Variants in TTC28 observed in about 807,000 individuals in gnomAD.
The protein encoded by TTC28 is tetratricopeptide repeat domain 28, also known as tetratricopeptide repeat protein 28.
TTC28 carries 61 observed loss-of-function variants against 198.0 expected under a neutral mutation model. That is an observed-to-expected ratio of 0.31 (90% CI 0.25 to 0.38). The LOEUF (loss-of-function observed/expected upper bound fraction) is 0.38, where lower values mean the gene tolerates loss of function less well. TTC28 is among the 10% of genes least tolerant of loss of function. TTC28 has a pLI of 1.00. For synonymous variants in TTC28, 1,171 were observed against 1,297.8 expected (o/e 0.90, Z 2.10); for missense variants, 2,678 against 3,164.0 (o/e 0.85, Z 3.69).
At chr22:28,488,175 C>T (rs565206294) in intron 2 of TTC28, among the ~76,000 whole-genome samples, 17 of 152,138 alleles carry the variant, frequency 1.1e-4, no homozygotes, top group Admixed American at 3.3e-4. Context: ...TGATACCAAC[C>T]GGACCACCAG....
chr22:28,429,476 G>T (rs2047401495), intron 2 of TTC28, among the ~76,000 whole-genome samples: 3 of 151,930 alleles, frequency 2.0e-5, no homozygotes, highest in Admixed American at 6.6e-5. Context: ...GAACAAATAG[G>T]TGCTAACTGA....
rs865836033 is a variant in TTC28, at chr22:28,591,086, G to T, written c.381+38466C>A. Among the ~76,000 whole-genome samples, 765 of 94,322 alleles carry T rather than the reference G, an allele frequency of 8.1e-3. 4 individuals carry two copies. Among genetic ancestry groups the T allele is most frequent in the Non-Finnish European group, 0.014 (656 of 46,790 alleles). The allele number at this position is 94,322 out of a possible 152,430, so 61.9% of individuals were successfully genotyped here. A position where few individuals can be genotyped will look rare whatever the true frequency, so the allele number is the denominator to read the frequency against. On this transcript the variant is annotated intron_variant, in intron 2 of 22. Coordinates refer to ENST00000397906, the MANE Select transcript of TTC28 (RefSeq NM_001145418.2). Reference sequence around the variant, plus strand: ...ATATATATATATATATATATATATAGGAATTGTGACATTTTGTTGGGGGGA... The same window carrying T: ...ATATATATATATATATATATATATATGAATTGTGACATTTTGTTGGGGGGA...
rs759478291 is a variant in TTC28 at position 28,108,194 on chromosome 22, C to G, written c.1651G>C (p.Ala551Pro). 6.4e-7 allele frequency: 1 copy of G among 1,551,498 alleles called. No homozygotes were observed. Among genetic ancestry groups the G allele is most frequent in the African/African-American group, 1.4e-5 (1 of 73,042 alleles). Reference sequence around the variant, plus strand: ...TTCCCATGTGTGGAGGCCTGTGAGGCGCGGTCATTCACTTCCATGGAGATC... The same window carrying G: ...TTCCCATGTGTGGAGGCCTGTGAGGGGCGGTCATTCACTTCCATGGAGATC... The part of the protein sequence containing the change: ...LQISMEVNDR[A>P]SQASTHGNLA... Residue 551 changes from alanine (A) to proline (P), a missense_variant, in exon 7 of 23, where the codon GCC becomes CCC. By Grantham distance (27) the Ala-to-Pro change is conservative (BLOSUM62 -1). Around this residue, in one of 8 missense-constraint regions of TTC28, gnomAD observed 775 missense variants for 845.9 expected, o/e 0.92. Coordinates refer to ENST00000397906, the MANE Select transcript of TTC28 (RefSeq NM_001145418.2).
At chr22:28,594,866 C>A (rs2050511002) in intron 2 of TTC28, among the ~76,000 whole-genome samples, 1 of 152,194 alleles carries the variant, frequency 6.6e-6, no homozygotes, top group African/African-American at 2.4e-5. Flanking sequence ...AACAGACTTG[C>A]AGTGCTGTTT....
chr22:28,028,112 C>T (rs750197846), intron 13 of TTC28, among the ~76,000 whole-genome samples: 1 of 152,192 alleles, frequency 6.6e-6, no homozygotes, highest in African/African-American at 2.4e-5. Context: ...AGAAGAACGC[C>T]GGCTATTTCC....
intron 2 of TTC28, among the ~76,000 whole-genome samples, chr22:28,386,873 A>C (rs2046609865): frequency 6.6e-6 from 1 of 151,680 alleles, no homozygotes; most frequent in Non-Finnish European, 1.5e-5. Flanking sequence ...TTTAAGTTTT[A>C]GGGTACATGT....
chr22:28,089,490 A>C (rs1422460969), intron 12 of TTC28, among the ~76,000 whole-genome samples: 2 of 149,604 alleles, frequency 1.3e-5, no homozygotes, highest in African/African-American at 4.9e-5. Flanking sequence ...CAGGAAGGGG[A>C]ACATCACACT....
chr22:28,191,956 C>T (rs948311589), intron 5 of TTC28, among the ~76,000 whole-genome samples: 35 of 152,306 alleles, frequency 2.3e-4, no homozygotes, highest in African/African-American at 5.5e-4. Context: ...TCTCCCAGCA[C>T]GCAGCTGGAG....
chr22:28,401,453 T>C (rs763782775), intron 2 of TTC28, among the ~76,000 whole-genome samples: 7 of 151,686 alleles, frequency 4.6e-5, no homozygotes, highest in Non-Finnish European at 1.0e-4. Context: ...CCATCTCTAC[T>C]AAAAATACAA....
At chr22:28,366,329 A>T (rs1160159806) in intron 2 of TTC28, among the ~76,000 whole-genome samples, 1 of 152,098 alleles carries the variant, frequency 6.6e-6, no homozygotes, top group Non-Finnish European at 1.5e-5. Flanking sequence ...CTCTTAAAAT[A>T]CTCACTTCTT....
intron 2 of TTC28, among the ~76,000 whole-genome samples, chr22:28,537,935 A>C (rs1486832718): frequency 6.6e-6 from 1 of 152,144 alleles, no homozygotes. Flanking sequence ...GTTTGAGACC[A>C]AACTGGGTAA....
intron 2 of TTC28, among the ~76,000 whole-genome samples, chr22:28,399,823 T>C (rs1569305544): frequency 6.6e-6 from 1 of 152,150 alleles, no homozygotes; most frequent in Non-Finnish European, 1.5e-5. Flanking sequence ...AACAATCTGA[T>C]AAGCCATCCT....
intron 12 of TTC28, among the ~76,000 whole-genome samples, chr22:28,083,802 C>T (rs1034798134): frequency 1.3e-5 from 2 of 152,172 alleles, no homozygotes; most frequent in Non-Finnish European, 1.5e-5. Flanking sequence ...AAAATCGGGT[C>T]ACTCCCACCC....
intron 12 of TTC28, among the ~76,000 whole-genome samples, chr22:28,043,551 G>A (rs924588325): frequency 1.8e-4 from 28 of 152,062 alleles, no homozygotes; most frequent in African/African-American, 5.6e-4. Flanking sequence ...GGTCTGCAGC[G>A]GGAGGTGCCA....
intron 2 of TTC28, among the ~76,000 whole-genome samples, chr22:28,615,097 T>C (rs1038906417): frequency 6.6e-6 from 1 of 151,412 alleles, no homozygotes; most frequent in African/African-American, 2.4e-5. Context: ...TAAACAAATT[T>C]ACAAGAAAAA....
At chr22:28,607,195 T>TA (rs1389265438) in intron 2 of TTC28, among the ~76,000 whole-genome samples, 1 of 152,196 alleles carries the variant, frequency 6.6e-6, no homozygotes, top group East Asian at 1.9e-4. Context: ...AAACCTAGCA[T>TA]AAAAATGCTC....
intron 9 of TTC28, 101 bp from the exon 10 acceptor site, chr22:28,099,145 A>G: frequency 6.9e-7 from 1 of 1,440,078 alleles, no homozygotes; most frequent in Non-Finnish European, 9.3e-7. Flanking sequence ...TGCACAACCT[A>G]AATATTTTTT....
At chr22:28,191,180 A>T (rs552635902) in intron 5 of TTC28, among the ~76,000 whole-genome samples, 168 of 152,360 alleles carry the variant, frequency 1.1e-3, no homozygotes, top group Non-Finnish European at 2.2e-3. Context: ...TAATTAAAAG[A>T]AACATGTTTA....
At chr22:28,072,764 T>C (rs1026339316) in intron 12 of TTC28, among the ~76,000 whole-genome samples, 2 of 152,162 alleles carry the variant, frequency 1.3e-5, no homozygotes, top group African/African-American at 4.8e-5. Flanking sequence ...AGAATGTGCA[T>C]GGTGCAGAGG....
Sources: allele counts gnomAD v4.1 joint callset (sites outside exome capture counted in the v4.1 genomes callset), GRCh38; gene constraint gnomAD v4.1.1; regional missense constraint gnomAD v4.1.1; transcripts MANE v1.5; gene names NCBI Gene and HGNC (gene_info 2026-07-23, HGNC 2026-07-21).